Variants in SNCAIP observed in about 807,000 individuals in gnomAD.
SNCAIP encodes the protein synuclein alpha interacting protein.
Under a neutral mutation model 86.7 loss-of-function variants are expected in SNCAIP, and 43 were observed. That is an observed-to-expected ratio of 0.50 (90% CI 0.39 to 0.64). SNCAIP has a LOEUF of 0.64. Ranked by LOEUF, SNCAIP falls within the 30% of genes least tolerant of loss-of-function variation. The pLI, the probability that SNCAIP is intolerant of heterozygous loss-of-function variation, is 0.00. For synonymous variants in SNCAIP, 417 were observed against 427.2 expected (o/e 0.98, Z 0.29); for missense variants, 981 against 1,103.1 (o/e 0.89, Z 1.57).
intron 1 of SNCAIP, among the ~76,000 whole-genome samples, chr5:122,347,885 T>G (rs541433043): frequency 6.6e-6 from 1 of 152,262 alleles, no homozygotes; most frequent in Admixed American, 6.5e-5. Flanking sequence ...CTGATAACGA[T>G]TTTCTTTTTA....
At chr5:122,337,615 T>C (rs1332585352) in intron 1 of SNCAIP, among the ~76,000 whole-genome samples, 1 of 152,204 alleles carries the variant, frequency 6.6e-6, no homozygotes, top group African/African-American at 2.4e-5. Context: ...CTCAGCTCAC[T>C]GCAACCTCTG....
chr5:122,365,509 T>A (rs1763002059), intron 1 of SNCAIP, among the ~76,000 whole-genome samples: 1 of 152,126 alleles, frequency 6.6e-6, no homozygotes, highest in Admixed American at 6.5e-5. Context: ...TGAAACCCCA[T>A]CTGTGCTAAA....
rs908524362 is a variant in SNCAIP at position 122,463,869 on chromosome 5, C to T, written c.*373C>T. 8.9e-6 allele frequency: 2 copies of T among 225,134 alleles called. No individual in the cohort carries two copies. Among genetic ancestry groups the T allele is most frequent in the Non-Finnish European group, 1.7e-5 (2 of 115,314 alleles). 13.9% of individuals were successfully genotyped at this position (225,134 alleles called of 1,614,324 possible). ...CAGGACATTCACCAAGCCACTGATA[C>T]CATTTTATATTTCATCAATTGCATG... On this transcript the variant is annotated 3_prime_UTR_variant, in exon 11 of 11. Coordinates refer to ENST00000261368, the MANE Select transcript of SNCAIP (RefSeq NM_005460.4).
chr5:122,342,710 A>T (rs771416169), intron 1 of SNCAIP, among the ~76,000 whole-genome samples: 1 of 152,186 alleles, frequency 6.6e-6, no homozygotes, highest in African/African-American at 2.4e-5. Flanking sequence ...TCCAAAGCCC[A>T]TGTCCTAAAC....
At chr5:122,356,034 T>A (rs1328130076) in intron 1 of SNCAIP, among the ~76,000 whole-genome samples, 1 of 152,144 alleles carries the variant, frequency 6.6e-6, no homozygotes, top group African/African-American at 2.4e-5. Context: ...ATATGTAGAT[T>A]TATTTAATAA....
chr5:122,414,651 T>G (rs544234456), intron 3 of SNCAIP, among the ~76,000 whole-genome samples: 1 of 152,332 alleles, frequency 6.6e-6, no homozygotes, highest in East Asian at 1.9e-4. Flanking sequence ...GTACGACCAC[T>G]GATTTCTGGG....
chr5:122,420,554 G>C (rs1225726945), intron 3 of SNCAIP, among the ~76,000 whole-genome samples: 2 of 149,700 alleles, frequency 1.3e-5, no homozygotes, highest in South Asian at 2.1e-4. Context: ...TAATAAGAGT[G>C]TATCTCAGAA....
intron 1 of SNCAIP, among the ~76,000 whole-genome samples, chr5:122,370,908 A>T (rs1228286503): frequency 6.6e-6 from 1 of 152,232 alleles, no homozygotes; most frequent in Admixed American, 6.5e-5. Context: ...TTTGAGAAAT[A>T]GCATCACTTA....
intron 1 of SNCAIP, among the ~76,000 whole-genome samples, chr5:122,331,049 C>T (rs1755239819): frequency 6.6e-6 from 1 of 152,086 alleles, no homozygotes; most frequent in Non-Finnish European, 1.5e-5. Flanking sequence ...AATCTAATGC[C>T]ACTGCTGATC....
intron 1 of SNCAIP, among the ~76,000 whole-genome samples, chr5:122,382,467 A>C (rs1580856406): frequency 6.6e-6 from 1 of 152,198 alleles, no homozygotes; most frequent in African/African-American, 2.4e-5. Context: ...AAAGTTTTCA[A>C]CTTCTTTGCC....
At chr5:122,438,840 C>G (rs1318853161) in intron 6 of SNCAIP, among the ~76,000 whole-genome samples, 2 of 152,158 alleles carry the variant, frequency 1.3e-5, no homozygotes, top group Non-Finnish European at 2.9e-5. Flanking sequence ...TATCTTGAAG[C>G]AAACCAAATC....
At chr5:122,319,358 A>G (rs1177622170) in intron 1 of SNCAIP, among the ~76,000 whole-genome samples, 1 of 152,200 alleles carries the variant, frequency 6.6e-6, no homozygotes, top group Non-Finnish European at 1.5e-5. Flanking sequence ...CTGCCAGAAA[A>G]TAAAAGCGTC....
intron 5 of SNCAIP, among the ~76,000 whole-genome samples, chr5:122,428,700 C>T (rs1370573032): frequency 6.6e-6 from 1 of 151,818 alleles, no homozygotes; most frequent in South Asian, 2.1e-4. Flanking sequence ...CCCATTAACT[C>T]GTCATTTACA....
At chr5:122,361,943 A>G (rs1269505162) in intron 1 of SNCAIP, among the ~76,000 whole-genome samples, 1 of 152,230 alleles carries the variant, frequency 6.6e-6, no homozygotes, top group Non-Finnish European at 1.5e-5. Flanking sequence ...TTCTACTCCT[A>G]GGGGATAGAT....
intron 1 of SNCAIP, among the ~76,000 whole-genome samples, chr5:122,325,036 T>C (rs1165018676): frequency 6.6e-6 from 1 of 152,226 alleles, no homozygotes; most frequent in Non-Finnish European, 1.5e-5. Context: ...GTGTGTGATT[T>C]GGAACAGCGT....
chr5:122,377,290 A>T (rs1278919651), intron 1 of SNCAIP, among the ~76,000 whole-genome samples: 1 of 152,080 alleles, frequency 6.6e-6, no homozygotes, highest in Admixed American at 6.6e-5. Context: ...TAAAGAAGTG[A>T]CACTCAGAAC....
At position 122,380,668 on chromosome 5, in the gene SNCAIP, G is replaced by T. The variant is rs867245394; in HGVS notation, c.-46-10421G>T. Among the ~76,000 whole-genome samples the T allele has an allele frequency of 4.3e-3, 636 of 148,462 alleles. 5 individuals carry two copies. Among genetic ancestry groups the T allele is most frequent in the African/African-American group, 0.015 (607 of 39,594 alleles). On this transcript the variant is annotated intron_variant, in intron 1 of 10. Transcript: ENST00000261368. ...TTTTGGATCTTTCCTGCTTTCTCTT[G>T]TGGGCATTTAGTGCTATAAATTTCC...
At chr5:122,429,136 A>G (rs2152938439) in intron 5 of SNCAIP, among the ~76,000 whole-genome samples, 1 of 151,904 alleles carries the variant, frequency 6.6e-6, no homozygotes, top group East Asian at 1.9e-4. Context: ...TGAAAATACA[A>G]CATACCAACA....
intron 6 of SNCAIP, chr5:122,436,932 G>T (rs1779620485): frequency 6.6e-6 from 1 of 152,130 alleles, no homozygotes; most frequent in African/African-American, 2.4e-5. Context: ...TATATAAGAG[G>T]AGTTTTCAGT....
Sources: gnomAD v4.1 joint callset for allele counts (sites outside exome capture counted in the v4.1 genomes callset) on GRCh38, gnomAD v4.1.1 for gene constraint, MANE v1.5 for transcripts, NCBI Gene and HGNC (gene_info 2026-07-23, HGNC 2026-07-21) for gene names.